Variants in ERBB4 observed in about 807,000 individuals in gnomAD.
The protein encoded by ERBB4 is erb-b2 receptor tyrosine kinase 4, also known as receptor tyrosine-protein kinase erbB-4.
Under a neutral mutation model 158.0 loss-of-function variants are expected in ERBB4, and 42 were observed. The ratio of observed to expected loss-of-function variants is 0.27; its 90% CI spans 0.21 to 0.34. The LOEUF (loss-of-function observed/expected upper bound fraction) is 0.34, where lower values mean the gene tolerates loss of function less well. ERBB4 is among the 10% of genes least tolerant of loss of function. The probability of loss-of-function intolerance (pLI) is 1.00; values close to 1 mark genes in which losing one functional copy is unlikely to be tolerated. For synonymous variants in ERBB4, 583 were observed against 558.7 expected, an observed-to-expected ratio of 1.04 and a Z score of -0.61; for missense variants, 1,333 against 1,624.1, an observed-to-expected ratio of 0.82 and a Z score of 3.08.
intron 9 of ERBB4, among the ~76,000 whole-genome samples, chr2:211,709,256 T>TATATATAC (rs2073584132): frequency 2.8e-5 from 2 of 71,148 alleles, no homozygotes; most frequent in African/African-American, 1.3e-4. Flanking sequence ...TATATACACA[T>TATATATAC]ATATATATAT....
At chr2:212,010,335 T>C (rs2076355345) in intron 2 of ERBB4, among the ~76,000 whole-genome samples, 2 of 152,208 alleles carry the variant, frequency 1.3e-5, no homozygotes, top group Non-Finnish European at 2.9e-5. Flanking sequence ...ACCAGGTGTG[T>C]ATATTTGCAG....
chr2:212,508,191 C>T (rs566671532), intron 1 of ERBB4, among the ~76,000 whole-genome samples: 6 of 152,256 alleles, frequency 3.9e-5, no homozygotes, highest in Non-Finnish European at 5.9e-5. Flanking sequence ...GTACACTTTA[C>T]AGATAACAGT....
At chr2:212,113,911 G>A (rs183640492) in intron 2 of ERBB4, among the ~76,000 whole-genome samples, 1 of 152,246 alleles carries the variant, frequency 6.6e-6, no homozygotes, top group African/African-American at 2.4e-5. Context: ...AGTTGGAAAA[G>A]TAAGTAATGT....
intron 17 of ERBB4, among the ~76,000 whole-genome samples, chr2:211,627,982 T>C (rs2069927041): frequency 6.6e-6 from 1 of 152,228 alleles, no homozygotes. Context: ...GTAAGGTCTG[T>C]GTGATTACAA....
At chr2:211,847,350 A>G (rs755301097) in intron 3 of ERBB4, among the ~76,000 whole-genome samples, 2 of 152,198 alleles carry the variant, frequency 1.3e-5, no homozygotes, top group Non-Finnish European at 2.9e-5. Context: ...TAGTTACTAC[A>G]ATAATGTTAA....
chr2:211,552,882 C>T (rs2067138567), intron 20 of ERBB4, among the ~76,000 whole-genome samples: 1 of 152,140 alleles, frequency 6.6e-6, no homozygotes, highest in Non-Finnish European at 1.5e-5. Flanking sequence ...TGCTCCTCTT[C>T]AGTAATAGAT....
intron 1 of ERBB4, among the ~76,000 whole-genome samples, chr2:212,428,366 T>G (rs2091959321): frequency 6.6e-6 from 1 of 152,196 alleles, no homozygotes; most frequent in Non-Finnish European, 1.5e-5. Flanking sequence ...GGCCATTATA[T>G]TTCCTTGCCT....
At chr2:212,453,353 T>C (rs2106031431) in intron 1 of ERBB4, among the ~76,000 whole-genome samples, 1 of 152,266 alleles carries the variant, frequency 6.6e-6, no homozygotes, top group Middle Eastern at 3.4e-3. Context: ...TGATACAAAC[T>C]CCTTCTGCCT....
intron 3 of ERBB4, among the ~76,000 whole-genome samples, chr2:211,802,276 C>T (rs1033860298): frequency 3.4e-5 from 5 of 148,164 alleles, no homozygotes; most frequent in African/African-American, 7.5e-5. Flanking sequence ...AAAAAAAAAA[C>T]ACAAAAAACT....
intron 3 of ERBB4, among the ~76,000 whole-genome samples, chr2:211,792,862 T>G (rs758820782): frequency 6.6e-6 from 1 of 151,952 alleles, no homozygotes; most frequent in Non-Finnish European, 1.5e-5. Context: ...AATAACTTCT[T>G]TTGTATTCTT....
intron 1 of ERBB4, among the ~76,000 whole-genome samples, chr2:212,304,155 G>A (rs748261102): frequency 6.6e-6 from 1 of 151,490 alleles, no homozygotes; most frequent in Non-Finnish European, 1.5e-5. Context: ...ACTAAGGGAT[G>A]TTTAGAAATT....
At chr2:212,277,549 T>C (rs2085588814) in intron 1 of ERBB4, among the ~76,000 whole-genome samples, 1 of 151,718 alleles carries the variant, frequency 6.6e-6, no homozygotes, top group African/African-American at 2.4e-5. Flanking sequence ...CCCAGATCTT[T>C]TTAATGGCTA....
chr2:212,335,730 G>A (rs567628896), intron 1 of ERBB4, among the ~76,000 whole-genome samples: 91 of 152,028 alleles, frequency 6.0e-4, no homozygotes, highest in African/African-American at 1.2e-3. Flanking sequence ...CGTAAAGAAC[G>A]AGATACTATG....
intron 1 of ERBB4, among the ~76,000 whole-genome samples, chr2:212,243,220 C>A (rs1315148230): frequency 6.6e-6 from 1 of 152,030 alleles, no homozygotes; most frequent in African/African-American, 2.4e-5. Flanking sequence ...TTAAGGGCAG[C>A]GACCAGATTG....
At chr2:211,752,158 A>G (rs2075148947) in intron 4 of ERBB4, among the ~76,000 whole-genome samples, 1 of 152,130 alleles carries the variant, frequency 6.6e-6, no homozygotes, top group Non-Finnish European at 1.5e-5. Flanking sequence ...AGTGATAATG[A>G]TAATTATTAT....
chr2:211,903,742 AT>A (rs1390513822), intron 3 of ERBB4, among the ~76,000 whole-genome samples: 3 of 151,970 alleles, frequency 2.0e-5, no homozygotes, highest in Non-Finnish European at 4.4e-5. Context: ...AGAGGTTTGT[AT>A]TAAATGCCGA....
intron 17 of ERBB4, 48 bp from the exon 18 acceptor site, chr2:211,624,092 CCT>C: frequency 6.2e-7 from 1 of 1,610,700 alleles, no homozygotes; most frequent in Non-Finnish European, 8.5e-7. Flanking sequence ...GATAGTCAGT[CCT>C]CTCTCTCTGT....
chr2:212,035,361 G>A (rs2076989876), intron 2 of ERBB4, among the ~76,000 whole-genome samples: 1 of 152,130 alleles, frequency 6.6e-6, no homozygotes, highest in Non-Finnish European at 1.5e-5. Flanking sequence ...TTGCTTTAGA[G>A]CGCTATGACT....
chr2:212,096,847 G>A (rs1464525842), intron 2 of ERBB4, among the ~76,000 whole-genome samples: 2 of 152,086 alleles, frequency 1.3e-5, no homozygotes, highest in Admixed American at 6.6e-5. Context: ...GGAATCTTGA[G>A]TGCTCTGCTA....
Sources: gnomAD v4.1 joint callset for allele counts (sites outside exome capture counted in the v4.1 genomes callset) on GRCh38, gnomAD v4.1.1 for gene constraint, MANE v1.5 for transcripts, NCBI Gene and HGNC (gene_info 2026-07-23, HGNC 2026-07-21) for gene names.